Variants in ANKRD22 observed in about 807,000 individuals in gnomAD.
ANKRD22 encodes ankyrin repeat domain-containing protein 22.
Under a neutral mutation model 25.7 loss-of-function variants are expected in ANKRD22, and 24 were observed. The observed-to-expected ratio is 0.93, with a 90% confidence interval of 0.68 to 1.31. The LOEUF (loss-of-function observed/expected upper bound fraction) is 1.31, where lower values mean the gene tolerates loss of function less well. Among genes scored for constraint, ANKRD22 ranks in the 50% most tolerant of loss-of-function variants. The pLI is 0.00. For synonymous variants in ANKRD22, 84 were observed against 84.3 expected (o/e 1.00, Z 0.02); for missense variants, 214 against 227.1 (o/e 0.94, Z 0.37).
chr10:88,826,365 C>T (rs1291968669), intron 3 of ANKRD22, among the ~76,000 whole-genome samples: 1 of 152,184 alleles, frequency 6.6e-6, no homozygotes, highest in Non-Finnish European at 1.5e-5. Context: ...TCAGGTCCCA[C>T]CCCAAACCTA....
At chr10:88,844,360 G>T (rs1844029335) in intron 1 of ANKRD22, among the ~76,000 whole-genome samples, 1 of 152,092 alleles carries the variant, frequency 6.6e-6, no homozygotes, top group African/African-American at 2.4e-5. Context: ...GGAAATGTTA[G>T]CAGAGTTTTG....
intron 1 of ANKRD22, among the ~76,000 whole-genome samples, chr10:88,843,738 T>A (rs111861868): frequency 6.6e-6 from 1 of 152,204 alleles, no homozygotes; most frequent in Non-Finnish European, 1.5e-5. Context: ...AGGGATTTCA[T>A]TGGGAGAATT....
chr10:88,829,797 G>C (rs539576381), intron 2 of ANKRD22, among the ~76,000 whole-genome samples: 1 of 152,262 alleles, frequency 6.6e-6, no homozygotes, highest in East Asian at 1.9e-4. Flanking sequence ...TTTTCTGTGA[G>C]ACAGGATCTT....
At chr10:88,849,495 C>T (rs770941823) in intron 1 of ANKRD22, among the ~76,000 whole-genome samples, 2 of 152,104 alleles carry the variant, frequency 1.3e-5, no homozygotes, top group Non-Finnish European at 2.9e-5. Context: ...AATGAGTAAA[C>T]ACAGGACTCA....
At chr10:88,841,363 A>G (rs1391917613) in intron 1 of ANKRD22, among the ~76,000 whole-genome samples, 1 of 152,090 alleles carries the variant, frequency 6.6e-6, no homozygotes, top group Non-Finnish European at 1.5e-5. Context: ...CAGTTCTACA[A>G]AAGGAGGGAG....
chr10:88,822,918 C>T lies in ANKRD22; in HGVS notation c.*23G>A. On this transcript the variant is annotated 3_prime_UTR_variant, in exon 6 of 6. Coordinates refer to ENST00000371930, the MANE Select transcript of ANKRD22 (RefSeq NM_144590.3). ...ATCCAGTCGTTAACTTTTTCTGTAT[C>T]TCCATCGGTGTGGTCACAAGGATTA... The T allele has an allele frequency of 1.3e-6, 2 of 1,570,064 alleles. No homozygotes were observed. Among genetic ancestry groups the T allele is most frequent in the Non-Finnish European group, 1.7e-6 (2 of 1,145,696 alleles).
rs1275219855 is a variant in ANKRD22, at chr10:88,826,134, A to C, written c.322-19T>G. ...TTGATACCTATTACAAATGGTAATT[A>C]TAAGAAAGGCTTATTTACAAATAGT... On this transcript the variant is annotated intron_variant, in intron 3 of 5. Transcript: ENST00000371930. 1 of 1,576,118 alleles carries C rather than the reference A, an allele frequency of 6.3e-7. No homozygotes were observed. The highest frequency in any genetic ancestry group is 1.7e-4 in the Middle Eastern group (1 of 5,974).
At chr10:88,827,498 A>G (rs1312962912) in intron 3 of ANKRD22, among the ~76,000 whole-genome samples, 1 of 152,220 alleles carries the variant, frequency 6.6e-6, no homozygotes, top group Non-Finnish European at 1.5e-5. Flanking sequence ...AATGTTTGTA[A>G]ATAAATAACA....
chr10:88,844,376 A>T (rs913544728), intron 1 of ANKRD22, among the ~76,000 whole-genome samples: 2 of 152,144 alleles, frequency 1.3e-5, no homozygotes, highest in African/African-American at 4.8e-5. Context: ...TTTTGACAAA[A>T]TCTACCTTCA....
In ANKRD22 at chr10:88,820,649, T is replaced by C. The variant is rs534712618; in HGVS notation, c.*2292A>G. On this transcript the variant is annotated 3_prime_UTR_variant, in exon 6 of 6. Coordinates refer to ENST00000371930, the MANE Select transcript of ANKRD22 (RefSeq NM_144590.3). ...AATCCGACACTTACATTTACATTTT[T>C]TTTCTGTAAATTAAAGTACTTATTA... 1.9e-5 allele frequency: 14 copies of C among 754,034 alleles called. No individual in the cohort carries two copies. The highest frequency in any genetic ancestry group is 7.8e-4 in the Middle Eastern group (2 of 2,570). 46.7% of individuals were successfully genotyped at this position (754,034 alleles called of 1,614,324 possible).
chr10:88,847,001 C>T (rs529273703), intron 1 of ANKRD22, among the ~76,000 whole-genome samples: 33 of 152,224 alleles, frequency 2.2e-4, no homozygotes, highest in South Asian at 2.1e-3. Context: ...CAAAGAACTA[C>T]GCATATTCGC....
At chr10:88,837,090 C>A (rs116559959) in intron 1 of ANKRD22, among the ~76,000 whole-genome samples, 522 of 152,242 alleles carry the variant, frequency 3.4e-3, no homozygotes, top group African/African-American at 0.012. Flanking sequence ...GCCAACGTTC[C>A]ACACGTTTGT....
chr10:88,842,786 T>C (rs1179089630), intron 1 of ANKRD22, among the ~76,000 whole-genome samples: 2 of 152,020 alleles, frequency 1.3e-5, no homozygotes, highest in Non-Finnish European at 2.9e-5. Flanking sequence ...CTTGGAAAAA[T>C]AATGACAGGA....
intron 1 of ANKRD22, among the ~76,000 whole-genome samples, chr10:88,848,178 A>ATATATATATG (rs1564608536): frequency 1.4e-5 from 1 of 69,958 alleles, no homozygotes; most frequent in African/African-American, 5.6e-5. Context: ...ATATGTGTAT[A>ATATATATATG]TATATATGTA....
Position 88,823,031 on chromosome 10 carries a change from A to T in ANKRD22, c.499-13T>A, listed in dbSNP as rs757670753. The T allele has an allele frequency of 1.2e-6, 2 of 1,608,648 alleles. No individual in the cohort carries two copies. Among genetic ancestry groups the T allele is most frequent in the Admixed American group, 1.7e-5 (1 of 59,994 alleles). Reference sequence around the variant, plus strand: ...AGCTCTCACCATGCTGAGGGGGGAAAAATATACAGTTATTTCCAATAGAGT... The same window carrying T: ...AGCTCTCACCATGCTGAGGGGGGAATAATATACAGTTATTTCCAATAGAGT... On this transcript the variant is annotated splice_polypyrimidine_tract_variant and intron_variant, in intron 5 of 5. Coordinates refer to ENST00000371930, the MANE Select transcript of ANKRD22 (RefSeq NM_144590.3).
chr10:88,826,939 A>G (rs1843861333), intron 3 of ANKRD22, among the ~76,000 whole-genome samples: 1 of 152,252 alleles, frequency 6.6e-6, no homozygotes, highest in African/African-American at 2.4e-5. Flanking sequence ...TAGTAGGTCC[A>G]TAATAAACAT....
At chr10:88,823,135 G>T in intron 5 of ANKRD22, 117 bp from the exon 6 acceptor site, 1 of 1,221,914 alleles carries the variant, frequency 8.2e-7, no homozygotes, top group Non-Finnish European at 1.2e-6. Context: ...AGTCCTAATA[G>T]TAATAGGATA....
At chr10:88,835,585 T>C (rs775232707) in intron 1 of ANKRD22, among the ~76,000 whole-genome samples, 3 of 152,198 alleles carry the variant, frequency 2.0e-5, no homozygotes, top group Admixed American at 6.5e-5. Flanking sequence ...TTTGTGCATC[T>C]AAACATAGGT....
chr10:88,820,432 T>C lies in ANKRD22; in HGVS notation c.*2509A>G. ...TGGATGCTCCTCACCGTATGTACAA[T>C]GAAATCATCCATCTGATGCAGCAGG... On this transcript the variant is annotated 3_prime_UTR_variant, in exon 6 of 6. Coordinates refer to ENST00000371930, the MANE Select transcript of ANKRD22 (RefSeq NM_144590.3). 6.4e-7 allele frequency: 1 copy of C among 1,552,084 alleles called. No homozygotes were observed. The highest frequency in any genetic ancestry group is 1.2e-5 in the South Asian group (1 of 84,062).
Sources: gnomAD v4.1 joint callset for allele counts (sites outside exome capture counted in the v4.1 genomes callset) on GRCh38, gnomAD v4.1.1 for gene constraint, MANE v1.5 for transcripts, NCBI Gene and HGNC (gene_info 2026-07-23, HGNC 2026-07-21) for gene names.